AIG1: variants seen among roughly 807,000 people sequenced by gnomAD.
AIG1 encodes the protein androgen induced 1.
A neutral mutation model predicts 31.4 loss-of-function variants in AIG1; 23 were observed. That is an observed-to-expected ratio of 0.73 (90% CI 0.53 to 1.04). AIG1 has a LOEUF of 1.04. AIG1 is among the 50% of genes least tolerant of loss of function. The pLI is 0.00. For synonymous variants in AIG1, 100 were observed against 110.5 expected (o/e 0.90, Z 0.60); for missense variants, 274 against 295.0 (o/e 0.93, Z 0.52).
intron 2 of AIG1, among the ~76,000 whole-genome samples, chr6:143,161,251 C>T (rs1419599997): frequency 6.6e-6 from 1 of 152,036 alleles, no homozygotes; most frequent in Non-Finnish European, 1.5e-5. Context: ...CAAATCTGCC[C>T]ACCAGAAAAA....
intron 5 of AIG1, among the ~76,000 whole-genome samples, chr6:143,337,660 G>C (rs955029248): frequency 1.3e-5 from 2 of 152,132 alleles, no homozygotes; most frequent in African/African-American, 4.8e-5. Flanking sequence ...GTAGGCAAGC[G>C]GGGAGACAGG....
At chr6:143,227,430 T>G (rs982685301) in intron 3 of AIG1, among the ~76,000 whole-genome samples, 8 of 152,042 alleles carry the variant, frequency 5.3e-5, no homozygotes, top group African/African-American at 1.9e-4. Flanking sequence ...AGAGGAAGAC[T>G]TCGGAAAGCA....
intron 2 of AIG1, among the ~76,000 whole-genome samples, chr6:143,143,753 G>A (rs188468780): frequency 4.6e-5 from 7 of 151,752 alleles, no homozygotes; most frequent in African/African-American, 1.7e-4. Flanking sequence ...TACACTGCAG[G>A]TGGAGTTAAT....
At chr6:143,104,704 T>G (rs968965016) in intron 1 of AIG1, among the ~76,000 whole-genome samples, 6 of 152,136 alleles carry the variant, frequency 3.9e-5, no homozygotes, top group Admixed American at 2.6e-4. Flanking sequence ...GTTCAAGACC[T>G]GCCTGAGCAA....
intron 3 of AIG1, among the ~76,000 whole-genome samples, chr6:143,251,322 G>C (rs1214511999): frequency 6.6e-6 from 1 of 152,154 alleles, no homozygotes; most frequent in Non-Finnish European, 1.5e-5. Flanking sequence ...AAAGTGCTGG[G>C]ATTACAGGAG....
chr6:143,226,241 T>G, intron 3 of AIG1, among the ~76,000 whole-genome samples: 1 of 137,324 alleles, frequency 7.3e-6, no homozygotes, highest in East Asian at 2.3e-4. Context: ...TAACTATATA[T>G]ATATATTTTT....
At chr6:143,184,409 A>C (rs1789033695) in intron 3 of AIG1, among the ~76,000 whole-genome samples, 1 of 152,190 alleles carries the variant, frequency 6.6e-6, no homozygotes, top group Non-Finnish European at 1.5e-5. Flanking sequence ...CCCCGTGGGC[A>C]TCACATTCTG....
chr6:143,321,843 G>T (rs547523821), intron 4 of AIG1, among the ~76,000 whole-genome samples: 73 of 152,282 alleles, frequency 4.8e-4, no homozygotes, highest in Middle Eastern at 3.4e-3. Flanking sequence ...CTTAGTGAGG[G>T]TGTGATACTG....
At chr6:143,261,774 G>A (rs1052181387) in intron 3 of AIG1, among the ~76,000 whole-genome samples, 3 of 152,184 alleles carry the variant, frequency 2.0e-5, no homozygotes, top group Non-Finnish European at 1.5e-5. Context: ...AGTTACCATT[G>A]CTTCACAAGA....
At chr6:143,225,483 A>G (rs1376079701) in intron 3 of AIG1, among the ~76,000 whole-genome samples, 1 of 151,384 alleles carries the variant, frequency 6.6e-6, no homozygotes, top group Non-Finnish European at 1.5e-5. Flanking sequence ...TAAGTAAGCA[A>G]AACTTCGTAA....
At chr6:143,303,359 G>A (rs1402221770) in intron 4 of AIG1, among the ~76,000 whole-genome samples, 5 of 151,976 alleles carry the variant, frequency 3.3e-5, no homozygotes, top group African/African-American at 1.2e-4. Flanking sequence ...ATGGTTTTAG[G>A]TCTAACATTT....
chr6:143,178,440 C>A (rs186404937), intron 3 of AIG1, among the ~76,000 whole-genome samples: 9 of 152,292 alleles, frequency 5.9e-5, no homozygotes, highest in African/African-American at 2.2e-4. Flanking sequence ...TTCCAGGTAG[C>A]TCCCTATACT....
At chr6:143,260,093 G>A (rs147895328) in intron 3 of AIG1, among the ~76,000 whole-genome samples, 201 of 142,302 alleles carry the variant, frequency 1.4e-3, no homozygotes, top group African/African-American at 5.0e-3. Context: ...GTGCGATCTC[G>A]GCTCACTGCA....
chr6:143,165,673 G>C (rs183290877), intron 3 of AIG1, among the ~76,000 whole-genome samples: 1 of 152,298 alleles, frequency 6.6e-6, no homozygotes, highest in African/African-American at 2.4e-5. Context: ...CAGGCATTTG[G>C]AAGTGTCTTT....
At position 143,325,334 on chromosome 6, in the gene AIG1, G is replaced by A. The variant is rs1286912342; in HGVS notation, c.516-7948G>A. Among the ~76,000 whole-genome samples the A allele has an allele frequency of 6.6e-6, 1 of 152,102 alleles. No individual in the cohort carries two copies. Among genetic ancestry groups the A allele is most frequent in the Non-Finnish European group, 1.5e-5 (1 of 68,024 alleles). ...CCTTCAGACCCTGTACTCTTCCTGG[G>A]TCTCAGTCTGTCCTGATAGTTTCAA... On this transcript the variant is annotated intron_variant, in intron 4 of 5. Coordinates refer to ENST00000357847, the MANE Select transcript of AIG1 (RefSeq NM_016108.4). This position sits in a 1 kb window ranked among gnomAD's most constrained non-coding sequence, Gnocchi z 4.3.
At chr6:143,189,629 T>C in intron 3 of AIG1, 1 of 985,434 alleles carries the variant, frequency 1.0e-6, no homozygotes, top group South Asian at 4.7e-5. Flanking sequence ...ACTATCTTTT[T>C]TGATGTGTCT....
chr6:143,218,409 G>A (rs1046023806), intron 3 of AIG1, among the ~76,000 whole-genome samples: 8 of 152,122 alleles, frequency 5.3e-5, no homozygotes, highest in Admixed American at 2.0e-4. Context: ...TGCCAGGATC[G>A]CTTTCCATGG....
At position 143,328,714 on chromosome 6, in the gene AIG1, T is replaced by C. The variant is rs980140709; in HGVS notation, c.516-4568T>C. ...ATTTGTGAGTAACAAAGCACTCAGATAGGAGGCATGAATAAATGTTATTTT... is the reference window on the plus strand; with the variant it reads ...ATTTGTGAGTAACAAAGCACTCAGACAGGAGGCATGAATAAATGTTATTTT... On this transcript the variant is annotated intron_variant, in intron 4 of 5. Coordinates refer to ENST00000357847, the MANE Select transcript of AIG1 (RefSeq NM_016108.4). The surrounding 1 kb of genome is among the most constrained non-coding windows in gnomAD (Gnocchi z 4.0). 6.6e-6 allele frequency among the ~76,000 whole-genome samples: 1 copy of C among 152,216 alleles called. No individual in the cohort carries two copies. The highest frequency in any genetic ancestry group is 2.1e-4 in the South Asian group (1 of 4,828).
chr6:143,206,719 G>C (rs1420180635), intron 3 of AIG1, among the ~76,000 whole-genome samples: 3 of 152,162 alleles, frequency 2.0e-5, no homozygotes, highest in Admixed American at 6.5e-5. Context: ...TTTAAAGAAA[G>C]TTTTTCTGTA....
Sources: gnomAD v4.1 joint callset for allele counts (sites outside exome capture counted in the v4.1 genomes callset) on GRCh38, gnomAD v4.1.1 for gene constraint, Gnocchi (gnomAD v3.1) non-coding constraint, MANE v1.5 for transcripts, NCBI Gene and HGNC (gene_info 2026-07-23, HGNC 2026-07-21) for gene names.